NKAIN3: variants seen among roughly 807,000 people sequenced by gnomAD.
NKAIN3 encodes sodium/potassium transporting ATPase interacting 3.
A neutral mutation model predicts 30.2 loss-of-function variants in NKAIN3; 25 were observed. The ratio of observed to expected loss-of-function variants is 0.83; its 90% CI spans 0.60 to 1.16. NKAIN3 has a LOEUF of 1.16. Ranked by LOEUF, NKAIN3 falls within the 50% of genes most tolerant of loss-of-function variation. The pLI, the probability that NKAIN3 is intolerant of heterozygous loss-of-function variation, is 0.00. For synonymous variants in NKAIN3, 91 were observed against 89.6 expected (o/e 1.02, Z -0.09); for missense variants, 225 against 254.1 (o/e 0.89, Z 0.78).
intron 1 of NKAIN3, among the ~76,000 whole-genome samples, chr8:62,376,726 G>A (rs1817095621): frequency 1.3e-5 from 2 of 151,856 alleles, no homozygotes; most frequent in South Asian, 4.2e-4. Context: ...TATATCATGG[G>A]GATTAAAAAT....
chr8:62,486,300 A>C (rs1806900180), intron 1 of NKAIN3, among the ~76,000 whole-genome samples: 1 of 151,672 alleles, frequency 6.6e-6, no homozygotes, highest in Admixed American at 6.6e-5. Context: ...GAAGGAAGGG[A>C]CCCTTAGTAT....
rs1824102713 is a variant in NKAIN3, at chr8:62,982,343, A to C, written c.*16936A>C. On this transcript the variant is annotated 3_prime_UTR_variant, in exon 7 of 7. Coordinates refer to ENST00000623646, the MANE Select transcript of NKAIN3 (RefSeq NM_001304533.3). Reference sequence around the variant, plus strand: ...TTTCTGATAACCATACATATCTTCAATGTCTACAATTTGAATGGAGAGCCC... The same window carrying C: ...TTTCTGATAACCATACATATCTTCACTGTCTACAATTTGAATGGAGAGCCC... 6.6e-6 allele frequency: 1 copy of C among 152,190 alleles called. No homozygotes were observed. The highest frequency in any genetic ancestry group is 2.4e-5 in the African/African-American group (1 of 41,452). The allele number at this position is 152,190 out of a possible 1,614,324, so 9.4% of individuals were successfully genotyped here. A position where few individuals can be genotyped will look rare whatever the true frequency, so the allele number is the denominator to read the frequency against.
At chr8:62,752,269 C>T (rs562800758) in intron 4 of NKAIN3, among the ~76,000 whole-genome samples, 1 of 152,134 alleles carries the variant, frequency 6.6e-6, no homozygotes, top group African/African-American at 2.4e-5. Context: ...TTTCACATTG[C>T]TATTACTAAT....
At chr8:62,916,888 C>A (rs987198489) in intron 4 of NKAIN3, among the ~76,000 whole-genome samples, 1 of 152,132 alleles carries the variant, frequency 6.6e-6, no homozygotes, top group Non-Finnish European at 1.5e-5. Context: ...ACAGCTCCCA[C>A]ACGCTCATGC....
intron 4 of NKAIN3, among the ~76,000 whole-genome samples, chr8:62,870,735 A>ATATATATC (rs1586293452): frequency 7.1e-6 from 1 of 140,642 alleles, no homozygotes. Flanking sequence ...CTATATATCT[A>ATATATATC]TATATATCTA....
chr8:62,442,848 T>C (rs1405240055), intron 1 of NKAIN3, among the ~76,000 whole-genome samples: 1 of 151,974 alleles, frequency 6.6e-6, no homozygotes, highest in Non-Finnish European at 1.5e-5. Flanking sequence ...GTTCATCTGG[T>C]CATAAGTGTT....
intron 6 of NKAIN3, 67 bp from the exon 7 acceptor site, chr8:62,965,287 T>C (rs991737408): frequency 3.7e-5 from 36 of 985,608 alleles, no homozygotes; most frequent in Non-Finnish European, 4.2e-5. Flanking sequence ...AAGGCCTCAA[T>C]GAATATAAAA....
At chr8:62,882,614 T>G (rs12548200) in intron 4 of NKAIN3, among the ~76,000 whole-genome samples, 47,112 of 152,040 alleles carry the variant, frequency 0.31, 7,942 homozygotes, top group East Asian at 0.64. Flanking sequence ...CACTATGCCC[T>G]GCCTGGTGTT....
intron 1 of NKAIN3, among the ~76,000 whole-genome samples, chr8:62,472,339 T>C (rs1454620035): frequency 6.6e-6 from 1 of 152,072 alleles, no homozygotes; most frequent in Non-Finnish European, 1.5e-5. Context: ...GTGCAGGCAG[T>C]CCATGCAGGG....
intron 1 of NKAIN3, among the ~76,000 whole-genome samples, chr8:62,324,463 A>G (rs548847889): frequency 6.6e-6 from 1 of 152,264 alleles, no homozygotes; most frequent in South Asian, 2.1e-4. Context: ...TGACCTTTCT[A>G]CCAATAATTC....
chr8:62,442,880 T>C (rs994364796), intron 1 of NKAIN3, among the ~76,000 whole-genome samples: 1 of 151,990 alleles, frequency 6.6e-6, no homozygotes, highest in Non-Finnish European at 1.5e-5. Flanking sequence ...ATATGTCCAT[T>C]TTTAACTATT....
Position 62,968,176 on chromosome 8 carries a change from C to A in NKAIN3, c.*2769C>A, listed in dbSNP as rs561410163. 7.2e-5 allele frequency among the ~76,000 whole-genome samples: 11 copies of A among 152,272 alleles called. No homozygotes were observed. The South Asian group carries it at 8.3e-4, about 11-fold the overall frequency. The stretch of plus-strand genomic sequence containing the variant: ...CCTCTTCTCTCTTTTCTTCTCCCTG[C>A]CTTTCATCTTCCTGGTTTCTCTTTG... On this transcript the variant is annotated 3_prime_UTR_variant, in exon 7 of 7. Coordinates refer to ENST00000623646, the MANE Select transcript of NKAIN3 (RefSeq NM_001304533.3).
intron 5 of NKAIN3, chr8:62,990,187 A>C (rs1038253916): frequency 6.8e-7 from 1 of 1,474,344 alleles, no homozygotes; most frequent in African/African-American, 1.4e-5. Context: ...ATCTGCAAGT[A>C]TGCAAACATC....
At chr8:62,853,130 G>C (rs1819960331) in intron 4 of NKAIN3, among the ~76,000 whole-genome samples, 1 of 152,116 alleles carries the variant, frequency 6.6e-6, no homozygotes, top group Non-Finnish European at 1.5e-5. Context: ...TTATGAATCT[G>C]GGTGCTCCTG....
chr8:62,370,803 C>G (rs1257786576), intron 1 of NKAIN3, among the ~76,000 whole-genome samples: 1 of 151,932 alleles, frequency 6.6e-6, no homozygotes, highest in East Asian at 1.9e-4. Flanking sequence ...TTTTCTATGA[C>G]TGGACTTGGA....
chr8:62,816,716 A>T (rs538415953), intron 4 of NKAIN3, among the ~76,000 whole-genome samples: 51 of 152,072 alleles, frequency 3.4e-4, no homozygotes, highest in Non-Finnish European at 6.8e-4. Context: ...CTCAGAGTGG[A>T]TATGGGGGAG....
At chr8:62,805,344 G>C (rs558166910) in intron 4 of NKAIN3, among the ~76,000 whole-genome samples, 2,095 of 151,820 alleles carry the variant, frequency 0.014, 50 homozygotes, top group African/African-American at 0.049. Context: ...GCATTGCCAA[G>C]TCAATCCTAA....
At chr8:62,950,379 C>T (rs1395371664) in intron 5 of NKAIN3, among the ~76,000 whole-genome samples, 3 of 152,116 alleles carry the variant, frequency 2.0e-5, no homozygotes, top group Non-Finnish European at 4.4e-5. Context: ...GACTTGGTGG[C>T]TTCTGTGGCC....
At chr8:62,852,089 C>CT (rs961221052) in intron 4 of NKAIN3, among the ~76,000 whole-genome samples, 9 of 152,186 alleles carry the variant, frequency 5.9e-5, no homozygotes, top group African/African-American at 2.2e-4. Context: ...TGGTCCTGGA[C>CT]TTTTTTTGGT....
Sources: allele counts gnomAD v4.1 joint callset (sites outside exome capture counted in the v4.1 genomes callset), GRCh38; gene constraint gnomAD v4.1.1; transcripts MANE v1.5; gene names NCBI Gene and HGNC (gene_info 2026-07-23, HGNC 2026-07-21).